EPB41L5: variants seen among roughly 807,000 people sequenced by gnomAD.
EPB41L5 encodes erythrocyte membrane protein band 4.1 like 5, also known as band 4.1-like protein 5.
A neutral mutation model predicts 106.6 loss-of-function variants in EPB41L5; 55 were observed. That is an observed-to-expected ratio of 0.52 (90% CI 0.42 to 0.65). The LOEUF (loss-of-function observed/expected upper bound fraction) is 0.65. Ranked by LOEUF, EPB41L5 falls within the 30% of genes least tolerant of loss-of-function variation. The pLI, the probability that EPB41L5 is intolerant of heterozygous loss-of-function variation, is 0.00. For synonymous variants in EPB41L5, 297 were observed against 306.7 expected (o/e 0.97, Z 0.33); for missense variants, 871 against 882.1 (o/e 0.99, Z 0.16).
At chr2:120,067,229 A>G (rs1274352049) in intron 3 of EPB41L5, among the ~76,000 whole-genome samples, 1 of 152,228 alleles carries the variant, frequency 6.6e-6, no homozygotes, top group Admixed American at 6.5e-5. Flanking sequence ...ATGGAAAGGT[A>G]TTTTGCTGCC....
rs1685516056 is a variant in EPB41L5 at position 120,127,613 on chromosome 2, T to TA, written c.1338-74dup. On this transcript the variant is annotated intron_variant, in intron 16 of 24. Coordinates refer to ENST00000263713, the MANE Select transcript of EPB41L5 (RefSeq NM_020909.4). ...TCACAGATGTGGTGGAAATTGCAGA[T>TA]ACAGAGGGTGAGTAGTGTTTTAATT... The TA allele has an allele frequency of 5.7e-5, 70 of 1,232,132 alleles. No homozygotes were observed. In the South Asian group the frequency reaches 1.1e-3, roughly 20 times the overall value. 76.3% of individuals were successfully genotyped at this position (1,232,132 alleles called of 1,614,324 possible).
At chr2:120,076,289 C>T (rs1170690386) in intron 7 of EPB41L5, among the ~76,000 whole-genome samples, 1 of 151,622 alleles carries the variant, frequency 6.6e-6, no homozygotes, top group Non-Finnish European at 1.5e-5. Flanking sequence ...GGGTCATATT[C>T]AGTGTATATC....
At chr2:120,142,121 A>ATTT (rs1438599325) in intron 18 of EPB41L5, among the ~76,000 whole-genome samples, 5 of 149,314 alleles carry the variant, frequency 3.3e-5, no homozygotes, top group African/African-American at 1.2e-4. Flanking sequence ...TTTAAAAAAA[A>ATTT]AAAAAAAAAA....
At chr2:120,146,635 T>C (rs1347513818) in intron 20 of EPB41L5, among the ~76,000 whole-genome samples, 1 of 152,232 alleles carries the variant, frequency 6.6e-6, no homozygotes, top group East Asian at 1.9e-4. Context: ...CTTGTTCTTA[T>C]CAACTTACTT....
At chr2:120,081,892 A>G (rs1682696459) in intron 10 of EPB41L5, among the ~76,000 whole-genome samples, 1 of 152,178 alleles carries the variant, frequency 6.6e-6, no homozygotes, top group African/African-American at 2.4e-5. Context: ...GAGTTCACTC[A>G]TGATTTGGCT....
chr2:120,117,538 T>G (rs1382882766), intron 16 of EPB41L5, among the ~76,000 whole-genome samples: 1 of 152,130 alleles, frequency 6.6e-6, no homozygotes, highest in Non-Finnish European at 1.5e-5. Context: ...AGTATGAGAG[T>G]GCTTCTACCT....
intron 14 of EPB41L5, among the ~76,000 whole-genome samples, chr2:120,093,986 G>T (rs538262506): frequency 2.0e-5 from 3 of 151,694 alleles, no homozygotes; most frequent in East Asian, 1.9e-4. Context: ...TTTTGTTGGG[G>T]TGGGGGTAGG....
Position 120,077,107 on chromosome 2 carries a change from C to A in EPB41L5, c.626+16C>A. 1 of 1,605,656 alleles carries A rather than the reference C, an allele frequency of 6.2e-7. No individual in the cohort carries two copies. Among genetic ancestry groups the A allele is most frequent in the Non-Finnish European group, 8.5e-7 (1 of 1,176,592 alleles). ...AGGAATACAGGTATCTGGCGTTTGACCATACTTTCTTTAAAATCACCACAA... is the reference window on the plus strand; with the variant it reads ...AGGAATACAGGTATCTGGCGTTTGAACATACTTTCTTTAAAATCACCACAA... On this transcript the variant is annotated intron_variant, in intron 8 of 24. Coordinates refer to ENST00000263713, the MANE Select transcript of EPB41L5 (RefSeq NM_020909.4).
At chr2:120,116,567 T>G (rs1684956187) in intron 16 of EPB41L5, among the ~76,000 whole-genome samples, 1 of 152,068 alleles carries the variant, frequency 6.6e-6, no homozygotes, top group Non-Finnish European at 1.5e-5. Context: ...TCTCTTCCAG[T>G]CTGGAGTGCA....
intron 3 of EPB41L5, among the ~76,000 whole-genome samples, chr2:120,058,819 A>G (rs1680835879): frequency 6.6e-6 from 1 of 152,234 alleles, no homozygotes; most frequent in African/African-American, 2.4e-5. Context: ...AAAGAAGATA[A>G]AAGTAAATGG....
intron 2 of EPB41L5, among the ~76,000 whole-genome samples, chr2:120,040,193 A>G (rs1169272529): frequency 2.6e-5 from 4 of 152,092 alleles, no homozygotes; most frequent in Non-Finnish European, 5.9e-5. Flanking sequence ...ATAGAGGTTG[A>G]CGTCTAGAAT....
chr2:120,110,207 G>A (rs1348149158), intron 16 of EPB41L5, among the ~76,000 whole-genome samples: 1 of 152,118 alleles, frequency 6.6e-6, no homozygotes, highest in Non-Finnish European at 1.5e-5. Flanking sequence ...CTCACTTCAC[G>A]AAATTGTCAT....
chr2:120,170,408 G>A (rs751484392), intron 24 of EPB41L5, among the ~76,000 whole-genome samples: 1 of 152,198 alleles, frequency 6.6e-6, no homozygotes, highest in Non-Finnish European at 1.5e-5. Flanking sequence ...TCATCTGAAG[G>A]CTCAATGGAA....
In EPB41L5 at chr2:120,100,278, T is replaced by A. The variant is rs770264143; in HGVS notation, c.1213T>A (p.Ser405Thr). The change falls in exon 15 of 25, where the codon TCC becomes ACC. Residue 405 changes from serine (S) to threonine (T), a missense_variant. Transcript: ENST00000263713. ...HNNVSTQSNG[S>T]QQAWGMRSAL... is the part of the protein sequence containing the mutation. ...TAATGTTTCGACCCAAAGTAATGGC[T>A]CCCAACAGGTAAGACAATACTAAGC... 11 of 1,613,136 alleles carry A rather than the reference T, an allele frequency of 6.8e-6. No individual in the cohort carries two copies. The highest frequency in any genetic ancestry group is 9.3e-6 in the Non-Finnish European group (11 of 1,179,444).
intron 16 of EPB41L5, among the ~76,000 whole-genome samples, chr2:120,107,691 C>T (rs980214643): frequency 1.3e-5 from 2 of 152,138 alleles, no homozygotes; most frequent in African/African-American, 4.8e-5. Flanking sequence ...CTTCCTCTAA[C>T]CCCCTTTTGC....
In EPB41L5 at chr2:120,116,053, T is replaced by C. The variant is rs1244115167; in HGVS notation, c.1338-11635T>C. Among the ~76,000 whole-genome samples, 3 of 150,846 alleles carry C rather than the reference T, an allele frequency of 2.0e-5. No individual in the cohort carries two copies. In the South Asian group the frequency reaches 6.3e-4, roughly 32 times the overall value. On this transcript the variant is annotated intron_variant, in intron 16 of 24. Coordinates refer to ENST00000263713, the MANE Select transcript of EPB41L5 (RefSeq NM_020909.4). Reference sequence around the variant, plus strand: ...CTTGAACTTCTGGCCTCAAGTGACCTGCCCGCCTCAGCCTCCCAAAGTGCT... The same window carrying C: ...CTTGAACTTCTGGCCTCAAGTGACCCGCCCGCCTCAGCCTCCCAAAGTGCT...
intron 16 of EPB41L5, among the ~76,000 whole-genome samples, chr2:120,123,938 G>T (rs556523513): frequency 6.6e-6 from 1 of 152,092 alleles, no homozygotes; most frequent in Non-Finnish European, 1.5e-5. Context: ...GATTACAGGC[G>T]TGAGCCACTG....
intron 2 of EPB41L5, among the ~76,000 whole-genome samples, chr2:120,031,182 A>G (rs1678684084): frequency 1.3e-5 from 2 of 152,212 alleles, no homozygotes; most frequent in Non-Finnish European, 2.9e-5. Flanking sequence ...GCCTCCAATT[A>G]TCAGTAAAAG....
intron 19 of EPB41L5, among the ~76,000 whole-genome samples, chr2:120,145,758 C>A (rs1350635507): frequency 6.6e-6 from 1 of 152,102 alleles, no homozygotes; most frequent in African/African-American, 2.4e-5. Context: ...ATTGACTGAC[C>A]TACATGGTGA....
Sources: gnomAD v4.1 joint callset for allele counts (sites outside exome capture counted in the v4.1 genomes callset) on GRCh38, gnomAD v4.1.1 for gene constraint, MANE v1.5 for transcripts, NCBI Gene and HGNC (gene_info 2026-07-23, HGNC 2026-07-21) for gene names.